TMEM178B: variants seen among roughly 807,000 people sequenced by gnomAD.
The protein encoded by TMEM178B is transmembrane protein 178B.
Under a neutral mutation model 31.0 loss-of-function variants are expected in TMEM178B, and 5 were observed. The ratio of observed to expected loss-of-function variants is 0.16; its 90% CI spans 0.08 to 0.34. The LOEUF (loss-of-function observed/expected upper bound fraction) is 0.34, where lower values mean the gene tolerates loss of function less well. TMEM178B is among the 10% of genes least tolerant of loss of function. The pLI is 1.00. For missense variants in TMEM178B, 275 were observed against 400.3 expected (o/e 0.69, Z 2.67); for synonymous variants, 164 against 164.0 (o/e 1.00, Z 0.00).
rs756179210 is a variant in TMEM178B, at chr7:141,212,747, G to A, written c.496+43G>A. On this transcript the variant is annotated intron_variant, in intron 2 of 3. Coordinates refer to ENST00000565468, the MANE Select transcript of TMEM178B (RefSeq NM_001195278.2). ...TCAGTGGCTGTGACTGTGCTGTGAGGTCCCCTTTGGAGGGATTGGAGGATT... is the reference window on the plus strand; with the variant it reads ...TCAGTGGCTGTGACTGTGCTGTGAGATCCCCTTTGGAGGGATTGGAGGATT... 12 of 1,464,416 alleles carry A rather than the reference G, an allele frequency of 8.2e-6. No individual in the cohort carries two copies. In the Admixed American group the frequency reaches 2.0e-4, roughly 24 times the overall value. The allele number at this position is 1,464,416 out of a possible 1,614,324, so 90.7% of individuals were successfully genotyped here.
At chr7:141,269,608 C>A (rs1033021873) in intron 2 of TMEM178B, among the ~76,000 whole-genome samples, 1 of 152,044 alleles carries the variant, frequency 6.6e-6, no homozygotes, top group South Asian at 2.1e-4. Flanking sequence ...ATCTTTTAAT[C>A]TTTTTTCCAT....
intron 2 of TMEM178B, among the ~76,000 whole-genome samples, chr7:141,285,154 C>G (rs4019761): frequency 1.9e-5 from 1 of 52,810 alleles, no homozygotes; most frequent in African/African-American, 8.0e-5. Context: ...ATTCTTGTTT[C>G]TTTTTTTTTT....
At chr7:141,130,640 A>G (rs1023817269) in intron 1 of TMEM178B, among the ~76,000 whole-genome samples, 5 of 152,128 alleles carry the variant, frequency 3.3e-5, no homozygotes, top group African/African-American at 1.2e-4. Flanking sequence ...ATTTTTGTTC[A>G]TATCTTTAAT....
At chr7:141,247,204 TACACA>T (rs1487887532) in intron 2 of TMEM178B, among the ~76,000 whole-genome samples, 3 of 150,084 alleles carry the variant, frequency 2.0e-5, no homozygotes, top group South Asian at 2.1e-4. Flanking sequence ...GGTTTCTCTC[TACACA>T]CACACACACA....
chr7:141,218,362 C>A (rs759246151), intron 2 of TMEM178B, among the ~76,000 whole-genome samples: 8 of 152,078 alleles, frequency 5.3e-5, no homozygotes, highest in East Asian at 3.9e-4. Flanking sequence ...AGGCAGGAGA[C>A]CAAGACTTTG....
intron 1 of TMEM178B, among the ~76,000 whole-genome samples, chr7:141,116,473 A>G (rs953587711): frequency 2.6e-5 from 4 of 152,152 alleles, no homozygotes; most frequent in Non-Finnish European, 4.4e-5. Flanking sequence ...TTAAATTCCA[A>G]TGAATTGAAT....
chr7:141,454,740 T>TGTG (rs1055331289), intron 3 of TMEM178B, among the ~76,000 whole-genome samples: 12 of 152,128 alleles, frequency 7.9e-5, no homozygotes, highest in African/African-American at 2.9e-4. Context: ...GGATCTTGAC[T>TGTG]GTGGCCATGG....
At chr7:141,403,272 C>T (rs1244524767) in intron 2 of TMEM178B, among the ~76,000 whole-genome samples, 2 of 152,206 alleles carry the variant, frequency 1.3e-5, no homozygotes, top group African/African-American at 4.8e-5. Context: ...TCATCAGACC[C>T]TCTCTCTACT....
chr7:141,243,693 A>G (rs897672019), intron 2 of TMEM178B, among the ~76,000 whole-genome samples: 11 of 152,116 alleles, frequency 7.2e-5, no homozygotes, highest in Admixed American at 3.3e-4. Flanking sequence ...GCCCAGATCT[A>G]TTTTGCAGAA....
chr7:141,383,494 T>C (rs1800367762), intron 2 of TMEM178B, among the ~76,000 whole-genome samples: 1 of 152,136 alleles, frequency 6.6e-6, no homozygotes, highest in Non-Finnish European at 1.5e-5. Flanking sequence ...TTGCAAAAGT[T>C]TGCTGAGAAT....
rs552868646 is a variant in TMEM178B at position 141,247,996 on chromosome 7, A to C, written c.496+35292A>C. On this transcript the variant is annotated intron_variant, in intron 2 of 3. Transcript: ENST00000565468. ...TGTCCTCCCCTGTCACGTGTCACTCAATCCTCTGTTAATGCATATGTGACC... is the reference window on the plus strand; with the variant it reads ...TGTCCTCCCCTGTCACGTGTCACTCCATCCTCTGTTAATGCATATGTGACC... Among the ~76,000 whole-genome samples the C allele has an allele frequency of 5.6e-4, 85 of 150,480 alleles. 1 individual carries two copies. The South Asian group carries it at 0.017, about 31-fold the overall frequency.
At chr7:141,249,660 A>T (rs200440822) in intron 2 of TMEM178B, among the ~76,000 whole-genome samples, 2 of 4,892 alleles carry the variant, frequency 4.1e-4, no homozygotes, top group African/African-American at 6.6e-4. Flanking sequence ...AAAGGGGCTC[A>T]TGTGCCTGGC....
intron 2 of TMEM178B, among the ~76,000 whole-genome samples, chr7:141,404,517 C>T (rs966650421): frequency 1.6e-4 from 24 of 152,266 alleles, no homozygotes; most frequent in African/African-American, 5.8e-4. Context: ...CTCTGCCTTG[C>T]TCTTCACGTG....
chr7:141,446,738 A>G (rs1312076043), intron 3 of TMEM178B, among the ~76,000 whole-genome samples: 1 of 152,162 alleles, frequency 6.6e-6, no homozygotes, highest in African/African-American at 2.4e-5. Context: ...TCTCATCTAT[A>G]AAAGAGGTCC....
rs192224057 is a variant in TMEM178B at position 141,100,062 on chromosome 7, G to T, written c.382+25370G>T. On this transcript the variant is annotated intron_variant, in intron 1 of 3. Coordinates refer to ENST00000565468, the MANE Select transcript of TMEM178B (RefSeq NM_001195278.2). ...TCTCGATCTCCTGACCTCGTGATCCGCCCGCCTTGGCCTCCCAAAGTGCTG... is the reference window on the plus strand; with the variant it reads ...TCTCGATCTCCTGACCTCGTGATCCTCCCGCCTTGGCCTCCCAAAGTGCTG... 4.2e-3 allele frequency among the ~76,000 whole-genome samples: 640 copies of T among 152,142 alleles called. 9 individuals carry two copies. The highest frequency in any genetic ancestry group is 0.015 in the African/African-American group (605 of 41,544).
At position 141,232,379 on chromosome 7, in the gene TMEM178B, C is replaced by T. The variant is rs564974225; in HGVS notation, c.496+19675C>T. Among the ~76,000 whole-genome samples, 108 of 152,228 alleles carry T rather than the reference C, an allele frequency of 7.1e-4. 1 individual carries two copies. The South Asian group carries it at 0.021, about 30-fold the overall frequency. On this transcript the variant is annotated intron_variant, in intron 2 of 3. Coordinates refer to ENST00000565468, the MANE Select transcript of TMEM178B (RefSeq NM_001195278.2). The stretch of plus-strand genomic sequence containing the variant: ...TTCTGGTTCTAGGTCTTTGAGGAGT[C>T]GTCACACTGTCTTTCACAATGGTTG...
intron 1 of TMEM178B, among the ~76,000 whole-genome samples, chr7:141,112,393 C>T (rs962996062): frequency 2.6e-5 from 4 of 152,088 alleles, no homozygotes; most frequent in African/African-American, 9.7e-5. Flanking sequence ...GCTGGGACAA[C>T]AGGTGTTAGC....
intron 2 of TMEM178B, among the ~76,000 whole-genome samples, chr7:141,364,878 A>G (rs1799977345): frequency 6.6e-6 from 1 of 151,196 alleles, no homozygotes; most frequent in South Asian, 2.1e-4. Context: ...CTCAGCTTTG[A>G]CTCATGATGC....
intron 2 of TMEM178B, 25 bp downstream of exon 2, chr7:141,212,729 C>G: frequency 6.6e-7 from 1 of 1,514,050 alleles, no homozygotes; most frequent in Non-Finnish European, 8.9e-7. Context: ...GTCTCAGTGG[C>G]TGTGACTGTG....
Sources: allele counts gnomAD v4.1 joint callset (sites outside exome capture counted in the v4.1 genomes callset), GRCh38; gene constraint gnomAD v4.1.1; transcripts MANE v1.5; gene names NCBI Gene and HGNC (gene_info 2026-07-23, HGNC 2026-07-21).